The following PARD3B variants were observed in gnomAD, a reference collection of about 807,000 sequenced individuals.
The protein encoded by PARD3B is par-3 family cell polarity regulator beta.
A neutral mutation model predicts 130.2 loss-of-function variants in PARD3B; 103 were observed. The ratio of observed to expected loss-of-function variants is 0.79; its 90% CI spans 0.67 to 0.93. The LOEUF (loss-of-function observed/expected upper bound fraction) is 0.93, where lower values mean the gene tolerates loss of function less well. Ranked by LOEUF, PARD3B falls within the 40% of genes least tolerant of loss-of-function variation. The pLI, the probability that PARD3B is intolerant of heterozygous loss-of-function variation, is 0.00. For missense variants in PARD3B, 1,609 were observed against 1,499.2 expected (o/e 1.07, Z -1.21); for synonymous variants, 583 against 553.2 (o/e 1.05, Z -0.76).
intron 16 of PARD3B, among the ~76,000 whole-genome samples, chr2:205,257,500 G>A (rs1210478007): frequency 6.6e-6 from 1 of 152,094 alleles, no homozygotes; most frequent in African/African-American, 2.4e-5. Flanking sequence ...GCACTAACAG[G>A]CCTCACAGAA....
At chr2:205,455,769 T>A (rs1423770352) in intron 20 of PARD3B, among the ~76,000 whole-genome samples, 2 of 152,012 alleles carry the variant, frequency 1.3e-5, no homozygotes, top group African/African-American at 2.4e-5. Context: ...TGGTTACATC[T>A]TACATAATCG....
At chr2:205,548,243 T>TG (rs1559203810) in intron 21 of PARD3B, among the ~76,000 whole-genome samples, 1 of 152,146 alleles carries the variant, frequency 6.6e-6, no homozygotes, top group Non-Finnish European at 1.5e-5. Flanking sequence ...CCAAGCTTTC[T>TG]GGTACCATCT....
At chr2:205,166,481 C>G (rs573027851) in intron 11 of PARD3B, among the ~76,000 whole-genome samples, 4 of 152,260 alleles carry the variant, frequency 2.6e-5, no homozygotes, top group East Asian at 1.9e-4. Flanking sequence ...AAGAATGGAC[C>G]TCTTCACATA....
chr2:205,167,563 T>C (rs1459879570), intron 11 of PARD3B, among the ~76,000 whole-genome samples: 1 of 152,174 alleles, frequency 6.6e-6, no homozygotes, highest in East Asian at 1.9e-4. Context: ...AATTTCTTCT[T>C]TTATAAAATG....
intron 2 of PARD3B, among the ~76,000 whole-genome samples, chr2:204,789,979 T>A (rs957059979): frequency 4.0e-5 from 6 of 151,848 alleles, no homozygotes; most frequent in African/African-American, 1.5e-4. Flanking sequence ...CACGCCATTC[T>A]CCTGCCTCAG....
intron 7 of PARD3B, among the ~76,000 whole-genome samples, chr2:205,119,771 A>G (rs1240247905): frequency 6.6e-6 from 1 of 152,066 alleles, no homozygotes; most frequent in Non-Finnish European, 1.5e-5. Context: ...GACAGGGAGA[A>G]ACTCCGTCTT....
At chr2:204,849,455 G>A (rs183510755) in intron 2 of PARD3B, among the ~76,000 whole-genome samples, 1 of 152,300 alleles carries the variant, frequency 6.6e-6, no homozygotes, top group Admixed American at 6.5e-5. Context: ...GTAAGTTTGA[G>A]GCACTGAATT....
At position 205,325,633 on chromosome 2, in the gene PARD3B, T is replaced by G. The variant is rs1849225; in HGVS notation, c.2630+23932T>G. On this transcript the variant is annotated intron_variant, in intron 18 of 22. Coordinates refer to ENST00000406610, the MANE Select transcript of PARD3B (RefSeq NM_001302769.2). This position sits in a 1 kb window ranked among gnomAD's most constrained non-coding sequence, Gnocchi z 4.1. ...AGCCTCAGACCCCAGGGCTAAGTGA[T>G]CCTCCCACCTCAGCCTCCCAAATAG... 0.033 allele frequency among the ~76,000 whole-genome samples: 5,060 copies of G among 152,100 alleles called. 101 individuals carry two copies. The highest frequency in any genetic ancestry group is 0.058 in the Middle Eastern group (17 of 294).
At chr2:204,750,231 A>T (rs2040406649) in intron 2 of PARD3B, among the ~76,000 whole-genome samples, 2 of 152,204 alleles carry the variant, frequency 1.3e-5, no homozygotes, top group African/African-American at 4.8e-5. Flanking sequence ...CTTTGAGTTA[A>T]AAGGTGGTAC....
At chr2:204,785,225 T>C (rs1298038103) in intron 2 of PARD3B, among the ~76,000 whole-genome samples, 1 of 152,204 alleles carries the variant, frequency 6.6e-6, no homozygotes, top group Non-Finnish European at 1.5e-5. Flanking sequence ...TGATGGTTCC[T>C]TCTTGTAATG....
chr2:205,569,665 G>T (rs1478650162), intron 22 of PARD3B, among the ~76,000 whole-genome samples: 1 of 152,128 alleles, frequency 6.6e-6, no homozygotes, highest in African/African-American at 2.4e-5. Context: ...ATGTCAACCA[G>T]AATCAATTTA....
chr2:204,848,887 TAG>T lies in PARD3B; in HGVS notation c.223-116262_223-116261del, dbSNP rs550490112. ...ATTTGACTTTGTTTTGTTTCTCATT[TAG>T]AGTTTCTTCTGTCTCATTAGAAGAT... On this transcript the variant is annotated intron_variant, in intron 2 of 22. Transcript: ENST00000406610. Among the ~76,000 whole-genome samples, 23 of 152,250 alleles carry T rather than the reference TAG, an allele frequency of 1.5e-4. No homozygotes were observed. In the South Asian group the frequency reaches 4.3e-3, roughly 29 times the overall value.
At chr2:204,848,811 C>A (rs536900978) in intron 2 of PARD3B, among the ~76,000 whole-genome samples, 2 of 152,114 alleles carry the variant, frequency 1.3e-5, no homozygotes, top group East Asian at 3.9e-4. Context: ...ATTTTACCAT[C>A]TATAGCTTAT....
intron 2 of PARD3B, among the ~76,000 whole-genome samples, chr2:204,742,455 A>T (rs561715893): frequency 1.3e-5 from 2 of 152,128 alleles, no homozygotes; most frequent in East Asian, 1.9e-4. Flanking sequence ...GGAGAAAGGG[A>T]TAGAGTAAGG....
chr2:204,549,280 A>G (rs977656336), intron 1 of PARD3B, among the ~76,000 whole-genome samples: 1 of 152,198 alleles, frequency 6.6e-6, no homozygotes, highest in Admixed American at 6.5e-5. Context: ...GGGATTGCTT[A>G]TCTCCGAATC....
At chr2:204,698,476 T>C (rs1184244152) in intron 2 of PARD3B, among the ~76,000 whole-genome samples, 1 of 152,136 alleles carries the variant, frequency 6.6e-6, no homozygotes, top group African/African-American at 2.4e-5. Context: ...CAAGATTAAC[T>C]TGGAATTTTT....
At chr2:205,457,450 T>A (rs192434790) in intron 20 of PARD3B, among the ~76,000 whole-genome samples, 93 of 152,176 alleles carry the variant, frequency 6.1e-4, no homozygotes, top group Middle Eastern at 3.4e-3. Context: ...AATCTACAGA[T>A]GTTTTGAGCC....
At chr2:205,093,055 G>A (rs1702201925) in intron 4 of PARD3B, among the ~76,000 whole-genome samples, 1 of 152,066 alleles carries the variant, frequency 6.6e-6, no homozygotes, top group Admixed American at 6.5e-5. Flanking sequence ...TCTTGCCAGA[G>A]ATGCCTCTGG....
chr2:205,381,765 C>T (rs1399583308), intron 18 of PARD3B, among the ~76,000 whole-genome samples: 1 of 151,834 alleles, frequency 6.6e-6, no homozygotes. Context: ...AACATGTAGA[C>T]AATGTATATA....
Sources: allele counts gnomAD v4.1 joint callset (sites outside exome capture counted in the v4.1 genomes callset), GRCh38; gene constraint gnomAD v4.1.1; non-coding constraint Gnocchi (gnomAD v3.1); transcripts MANE v1.5; gene names NCBI Gene and HGNC (gene_info 2026-07-23, HGNC 2026-07-21).